The following STIM2 variants were observed in gnomAD, a reference collection of about 807,000 sequenced individuals.
STIM2 encodes the protein stromal interaction molecule 2.
Under a neutral mutation model 85.8 loss-of-function variants are expected in STIM2, and 31 were observed. The ratio of observed to expected loss-of-function variants is 0.36; its 90% CI spans 0.27 to 0.49. The LOEUF is 0.49. STIM2 is among the 20% of genes least tolerant of loss of function. The pLI is 0.98. For missense variants in STIM2, 841 were observed against 927.6 expected, an observed-to-expected ratio of 0.91 and a Z score of 1.21; for synonymous variants, 356 against 331.1, an observed-to-expected ratio of 1.08 and a Z score of -0.82.
chr4:26,919,253 C>T (rs1724707966), intron 1 of STIM2, among the ~76,000 whole-genome samples: 1 of 151,788 alleles, frequency 6.6e-6, no homozygotes, highest in East Asian at 1.9e-4. Context: ...TTTAGATAAC[C>T]TGAAGTTAGT....
At chr4:26,881,209 T>TAA (rs1723002066) in intron 1 of STIM2, among the ~76,000 whole-genome samples, 1 of 152,166 alleles carries the variant, frequency 6.6e-6, no homozygotes, top group Non-Finnish European at 1.5e-5. Context: ...CTCATGCTGG[T>TAA]AATCGCAGTT....
At chr4:26,936,813 A>T (rs1322315799) in intron 2 of STIM2, among the ~76,000 whole-genome samples, 1 of 152,136 alleles carries the variant, frequency 6.6e-6, no homozygotes, top group African/African-American at 2.4e-5. Context: ...TGTTTGAGAC[A>T]GCATGTCGCT....
At chr4:26,998,511 T>C (rs886743230) in intron 4 of STIM2, among the ~76,000 whole-genome samples, 1 of 152,122 alleles carries the variant, frequency 6.6e-6, no homozygotes, top group African/African-American at 2.4e-5. Flanking sequence ...ATTGAAAACT[T>C]AATTGTTTTT....
In STIM2 at chr4:26,865,881, A is replaced by G. The variant is rs1056121312; in HGVS notation, c.151+4512A>G. Reference sequence around the variant, plus strand: ...CATTTTGGACTCAGACTAGGTAATAATAGGCACATTTATTAAACTGTTCCT... The same window carrying G: ...CATTTTGGACTCAGACTAGGTAATAGTAGGCACATTTATTAAACTGTTCCT... On this transcript the variant is annotated intron_variant, in intron 1 of 11. Transcript: ENST00000467087. 3.9e-5 allele frequency among the ~76,000 whole-genome samples: 6 copies of G among 152,280 alleles called. No homozygotes were observed. The East Asian group carries it at 1.2e-3, about 29-fold the overall frequency.
At chr4:26,943,823 T>C (rs1391385539) in intron 2 of STIM2, among the ~76,000 whole-genome samples, 2 of 152,196 alleles carry the variant, frequency 1.3e-5, no homozygotes. Context: ...TTATTGGTCT[T>C]ACCCCTGTAT....
intron 3 of STIM2, among the ~76,000 whole-genome samples, chr4:26,958,897 G>A (rs914317103): frequency 6.6e-6 from 1 of 152,048 alleles, no homozygotes; most frequent in African/African-American, 2.4e-5. Context: ...ATTGCTATTA[G>A]TATTTTTTTA....
rs118145679 is a variant in STIM2, at chr4:26,921,031, C to T, written c.282+1397C>T. Among the ~76,000 whole-genome samples the T allele has an allele frequency of 1.5e-4, 23 of 152,134 alleles. No homozygotes were observed. In the East Asian group the frequency reaches 2.9e-3, roughly 19 times the overall value. ...ACCTTATTTAGAAATAAGGTCATTG[C>T]GGATGTAGTTAAGATAAAGTCATAC... On this transcript the variant is annotated intron_variant, in intron 2 of 11. Coordinates refer to ENST00000467087, the MANE Select transcript of STIM2 (RefSeq NM_020860.4).
chr4:26,937,026 G>A (rs1725418721), intron 2 of STIM2, among the ~76,000 whole-genome samples: 1 of 151,984 alleles, frequency 6.6e-6, no homozygotes, highest in African/African-American at 2.4e-5. Flanking sequence ...GGGCTCAAGC[G>A]ATTTACCTGC....
intron 10 of STIM2, among the ~76,000 whole-genome samples, chr4:27,015,288 A>G (rs1728694219): frequency 6.6e-6 from 1 of 152,008 alleles, no homozygotes; most frequent in African/African-American, 2.4e-5. Flanking sequence ...CTGCTCTCGC[A>G]TCTTAAATTA....
intron 1 of STIM2, among the ~76,000 whole-genome samples, chr4:26,869,084 C>T (rs894248986): frequency 6.6e-6 from 1 of 151,948 alleles, no homozygotes; most frequent in African/African-American, 2.4e-5. Context: ...CACTTGAGCC[C>T]AGGACTTCGA....
intron 3 of STIM2, among the ~76,000 whole-genome samples, chr4:26,973,673 TA>T (rs1727067044): frequency 6.6e-6 from 1 of 152,196 alleles, no homozygotes; most frequent in Non-Finnish European, 1.5e-5. Context: ...TGGTCAATTT[TA>T]GAATAAGTGC....
At chr4:26,906,387 C>T (rs367964691) in intron 1 of STIM2, among the ~76,000 whole-genome samples, 1 of 151,646 alleles carries the variant, frequency 6.6e-6, no homozygotes, top group African/African-American at 2.4e-5. Flanking sequence ...ACACAGTTTA[C>T]CTGTGTAACA....
At chr4:26,867,724 C>T (rs909182433) in intron 1 of STIM2, among the ~76,000 whole-genome samples, 2 of 152,156 alleles carry the variant, frequency 1.3e-5, no homozygotes, top group African/African-American at 2.4e-5. Flanking sequence ...TTGTTCTGTT[C>T]TTTAGCTATC....
At chr4:26,923,124 G>T (rs568570816) in intron 2 of STIM2, among the ~76,000 whole-genome samples, 2 of 149,604 alleles carry the variant, frequency 1.3e-5, no homozygotes, top group Non-Finnish European at 3.0e-5. Context: ...ACACTGACAC[G>T]TCACACGGCA....
intron 3 of STIM2, among the ~76,000 whole-genome samples, chr4:26,966,393 T>C (rs1315927847): frequency 1.3e-5 from 2 of 152,170 alleles, no homozygotes; most frequent in African/African-American, 4.8e-5. Flanking sequence ...TATATTCTAC[T>C]TTATGTAGAA....
chr4:27,013,630 A>C (rs1479456922), intron 10 of STIM2, among the ~76,000 whole-genome samples: 1 of 152,008 alleles, frequency 6.6e-6, no homozygotes, highest in Non-Finnish European at 1.5e-5. Context: ...CCTTTTACTC[A>C]GGACACTGAG....
chr4:26,922,086 GATT>G (rs1724821279), intron 2 of STIM2, among the ~76,000 whole-genome samples: 1 of 152,080 alleles, frequency 6.6e-6, no homozygotes, highest in South Asian at 2.1e-4. Flanking sequence ...AAAACTGATG[GATT>G]ATTAAGAGTT....
chr4:27,019,970 C>T (rs1042891180), intron 11 of STIM2, among the ~76,000 whole-genome samples: 40 of 152,098 alleles, frequency 2.6e-4, no homozygotes, highest in Admixed American at 2.4e-3. Context: ...ATTGTCATTA[C>T]GCAATTCAAA....
chr4:26,982,812 T>TA (rs1251243790), intron 3 of STIM2, among the ~76,000 whole-genome samples: 2 of 152,212 alleles, frequency 1.3e-5, no homozygotes, highest in Non-Finnish European at 2.9e-5. Flanking sequence ...TTCACACTGA[T>TA]ACCTGATAAA....
Sources: gnomAD v4.1 joint callset for allele counts (sites outside exome capture counted in the v4.1 genomes callset) on GRCh38, gnomAD v4.1.1 for gene constraint, MANE v1.5 for transcripts, NCBI Gene and HGNC (gene_info 2026-07-23, HGNC 2026-07-21) for gene names.